The following BICC1 variants were observed in gnomAD, a reference collection of about 807,000 sequenced individuals.
BICC1 encodes the protein BicC family RNA binding protein 1.
BICC1 carries 43 observed loss-of-function variants against 111.0 expected under a neutral mutation model. That is an observed-to-expected ratio of 0.39 (90% CI 0.30 to 0.50). The LOEUF is 0.50. BICC1 is among the 20% of genes least tolerant of loss of function. The pLI is 0.88. For missense variants in BICC1, 1,091 were observed against 1,203.2 expected, an observed-to-expected ratio of 0.91 and a Z score of 1.38; for synonymous variants, 467 against 434.4, an observed-to-expected ratio of 1.07 and a Z score of -0.93.
rs1564510203 is a variant in BICC1 at position 58,607,344 on chromosome 10, A to AT, written c.191-13511_191-13510insT. On this transcript the variant is annotated intron_variant, in intron 1 of 20. Coordinates refer to ENST00000373886, the MANE Select transcript of BICC1 (RefSeq NM_001080512.3). Reference sequence around the variant, plus strand: ...AATAAATAAATAAATAAATAAATAAAACTGTCATGCTACTGTTTTTTCTTT... The same window carrying AT: ...AATAAATAAATAAATAAATAAATAAATACTGTCATGCTACTGTTTTTTCTTT... Among the ~76,000 whole-genome samples, 5 of 151,856 alleles carry AT rather than the reference A, an allele frequency of 3.3e-5. No homozygotes were observed. The South Asian group carries it at 6.2e-4, about 19-fold the overall frequency.
At chr10:58,614,377 A>G (rs1365390203) in intron 1 of BICC1, among the ~76,000 whole-genome samples, 2 of 152,178 alleles carry the variant, frequency 1.3e-5, no homozygotes, top group Admixed American at 6.5e-5. Context: ...TTACCAAGGT[A>G]TTTATGGGCT....
At chr10:58,769,318 A>C (rs2132714287) in intron 3 of BICC1, among the ~76,000 whole-genome samples, 1 of 150,438 alleles carries the variant, frequency 6.6e-6, no homozygotes, top group East Asian at 2.0e-4. Flanking sequence ...ATGCACACGC[A>C]CAGAGGTCAG....
At chr10:58,557,383 T>G (rs956510228) in intron 1 of BICC1, among the ~76,000 whole-genome samples, 3 of 150,280 alleles carry the variant, frequency 2.0e-5, no homozygotes, top group Non-Finnish European at 4.4e-5. Flanking sequence ...TCATTGAGCT[T>G]CTTGGATTTA....
At chr10:58,740,413 GAC>G (rs1384660768) in intron 3 of BICC1, among the ~76,000 whole-genome samples, 1 of 152,134 alleles carries the variant, frequency 6.6e-6, no homozygotes, top group African/African-American at 2.4e-5. Context: ...AAGTTGTCAA[GAC>G]ACCATCAGGT....
At chr10:58,562,853 C>A (rs914718461) in intron 1 of BICC1, among the ~76,000 whole-genome samples, 2 of 151,888 alleles carry the variant, frequency 1.3e-5, no homozygotes, top group East Asian at 1.9e-4. Flanking sequence ...CTTTCTTTGG[C>A]GTATTCAGTG....
At chr10:58,818,861 G>A (rs961248990) in intron 19 of BICC1, among the ~76,000 whole-genome samples, 6 of 152,036 alleles carry the variant, frequency 3.9e-5, no homozygotes, top group African/African-American at 1.4e-4. Context: ...GGCACAGAAG[G>A]TCAAAAAGCA....
intron 1 of BICC1, among the ~76,000 whole-genome samples, chr10:58,587,886 G>A (rs1281329685): frequency 6.6e-6 from 1 of 152,186 alleles, no homozygotes; most frequent in Non-Finnish European, 1.5e-5. Context: ...TGTATTTTCT[G>A]TGTATTGTGG....
intron 20 of BICC1, among the ~76,000 whole-genome samples, chr10:58,821,062 A>G (rs1844238741): frequency 6.6e-6 from 1 of 152,130 alleles, no homozygotes; most frequent in African/African-American, 2.4e-5. Context: ...TTGCATATAT[A>G]TTTTAGAAAA....
chr10:58,742,044 C>T (rs1340813893), intron 3 of BICC1, among the ~76,000 whole-genome samples: 2 of 152,186 alleles, frequency 1.3e-5, no homozygotes. Flanking sequence ...TTGGACTTGA[C>T]ACAACTATAA....
intron 1 of BICC1, among the ~76,000 whole-genome samples, chr10:58,518,119 C>A (rs998512754): frequency 6.6e-6 from 1 of 152,106 alleles, no homozygotes; most frequent in Admixed American, 6.5e-5. Flanking sequence ...GACGAGAGGG[C>A]TTTTCACCCT....
chr10:58,665,057 C>G (rs1348083186), intron 2 of BICC1, among the ~76,000 whole-genome samples: 1 of 152,078 alleles, frequency 6.6e-6, no homozygotes, highest in Admixed American at 6.5e-5. Context: ...CCACAGGGGT[C>G]TGTGTTATTG....
At chr10:58,624,937 C>CT (rs1412184001) in intron 2 of BICC1, among the ~76,000 whole-genome samples, 1 of 152,204 alleles carries the variant, frequency 6.6e-6, no homozygotes, top group African/African-American at 2.4e-5. Context: ...CACCCTTGGT[C>CT]TTTTTTCTGT....
chr10:58,592,740 G>A (rs1844667893), intron 1 of BICC1, among the ~76,000 whole-genome samples: 1 of 151,368 alleles, frequency 6.6e-6, no homozygotes, highest in Non-Finnish European at 1.5e-5. Flanking sequence ...AGCTGGGCCT[G>A]TTGGCGTGCA....
At chr10:58,549,745 G>A (rs1843244478) in intron 1 of BICC1, among the ~76,000 whole-genome samples, 1 of 151,342 alleles carries the variant, frequency 6.6e-6, no homozygotes, top group Non-Finnish European at 1.5e-5. Flanking sequence ...GAGTGCAATG[G>A]TGTGATCTCG....
intron 2 of BICC1, among the ~76,000 whole-genome samples, chr10:58,682,574 A>G (rs1450881733): frequency 6.6e-6 from 1 of 152,042 alleles, no homozygotes; most frequent in Non-Finnish European, 1.5e-5. Context: ...CTGGTGTGAG[A>G]TGGTATCTCG....
At chr10:58,809,058 T>G (rs1456797702) in intron 17 of BICC1, among the ~76,000 whole-genome samples, 1 of 152,010 alleles carries the variant, frequency 6.6e-6, no homozygotes, top group Non-Finnish European at 1.5e-5. Flanking sequence ...AGTCTCACTC[T>G]GTCACACAGG....
Position 58,817,620 on chromosome 10 carries a change from C to A in BICC1, c.2592C>A (p.Ser864Arg), listed in dbSNP as rs1365170197. 1 of 1,613,604 alleles carries A rather than the reference C, an allele frequency of 6.2e-7. No individual in the cohort carries two copies. The highest frequency in any genetic ancestry group is 1.1e-5 in the South Asian group (1 of 91,076). The part of the protein sequence containing the change: ...YMDCISSLTG[S>R]NGCNLNSSFK... Reference sequence around the variant, plus strand: ...ACTGCATTTCCTCGCTGACAGGAAGCAATGGCTGTAACTTAAATAGCTCTT... The same window carrying A: ...ACTGCATTTCCTCGCTGACAGGAAGAAATGGCTGTAACTTAAATAGCTCTT... The change falls in exon 19 of 21, where the codon AGC (serine) becomes AGA (arginine). Residue 864 changes from serine to arginine, a missense_variant. Around this residue, in one of 3 missense-constraint regions of BICC1, gnomAD observed 231 missense variants for 256.2 expected, o/e 0.90. Coordinates refer to ENST00000373886, the MANE Select transcript of BICC1 (RefSeq NM_001080512.3).
At chr10:58,650,520 T>C (rs1237367121) in intron 2 of BICC1, 1 of 152,180 alleles carries the variant, frequency 6.6e-6, no homozygotes, top group Non-Finnish European at 1.5e-5. Context: ...TTGGACTATG[T>C]GAGGGGCTTG....
At chr10:58,679,674 T>A (rs1028219193) in intron 2 of BICC1, among the ~76,000 whole-genome samples, 2 of 152,338 alleles carry the variant, frequency 1.3e-5, no homozygotes, top group South Asian at 4.1e-4. Flanking sequence ...GACTCCTCTC[T>A]AACTCATTTT....
Sources: gnomAD v4.1 joint callset for allele counts (sites outside exome capture counted in the v4.1 genomes callset) on GRCh38, gnomAD v4.1.1 for gene constraint, gnomAD v4.1.1 regional missense constraint, MANE v1.5 for transcripts, NCBI Gene and HGNC (gene_info 2026-07-23, HGNC 2026-07-21) for gene names.